SQSTM1: variants seen among roughly 807,000 people sequenced by gnomAD.
The protein encoded by SQSTM1 is sequestosome 1.
Under a neutral mutation model 45.1 loss-of-function variants are expected in SQSTM1, and 36 were observed. The ratio of observed to expected loss-of-function variants is 0.80; its 90% confidence interval spans 0.61 to 1.05. The LOEUF is 1.05. SQSTM1 is among the 50% of genes least tolerant of loss of function. SQSTM1 has a pLI of 0.00. For missense variants in SQSTM1, 617 were observed against 607.1 expected (o/e 1.02, Z -0.17); for synonymous variants, 290 against 244.3 (o/e 1.19, Z -1.74).
upstream of SQSTM1, among the ~76,000 whole-genome samples, chr5:179,817,903 G>A (rs938345914): frequency 6.6e-6 from 1 of 151,728 alleles, no homozygotes; most frequent in Admixed American, 6.6e-5. Flanking sequence ...CAGCTACTTG[G>A]GAGGCTGAGG....
At position 179,837,386 on chromosome 5, in the gene SQSTM1, C is replaced by T. The variant is rs774391024; in HGVS notation, c.*793C>T. 3.8e-6 allele frequency: 6 copies of T among 1,586,428 alleles called. No individual in the cohort carries two copies. Among genetic ancestry groups the T allele is most frequent in the Middle Eastern group, 1.7e-4 (1 of 5,926 alleles). ...TATCTCGATTAATAACCTGCCAGTC[C>T]CAGATCACACATCATCATCGAAGTC... is the stretch of plus-strand genomic sequence containing the variant. On this transcript the variant is annotated 3_prime_UTR_variant, in exon 8 of 8. Coordinates refer to ENST00000389805, the MANE Select transcript of SQSTM1 (RefSeq NM_003900.5).
Position 179,836,704 on chromosome 5 carries a change from T to G in SQSTM1, c.*111T>G. The G allele has an allele frequency of 6.4e-7, 1 of 1,553,452 alleles. No homozygotes were observed. Among genetic ancestry groups the G allele is most frequent in the Non-Finnish European group, 8.9e-7 (1 of 1,127,330 alleles). On this transcript the variant is annotated 3_prime_UTR_variant, in exon 8 of 8. Coordinates refer to ENST00000389805, the MANE Select transcript of SQSTM1 (RefSeq NM_003900.5). ...CCAGTTTCTCTGCCTTCTTCCAGGATCAGGGGTTAGGGTGCAAGAAGCCAT... is the reference window on the plus strand; with the variant it reads ...CCAGTTTCTCTGCCTTCTTCCAGGAGCAGGGGTTAGGGTGCAAGAAGCCAT...
intron 6 of SQSTM1, 144 bp from the exon 7 acceptor site, chr5:179,833,443 T>A: frequency 1.0e-6 from 1 of 997,472 alleles, no homozygotes; most frequent in African/African-American, 1.6e-5. Flanking sequence ...TCTTTGTGAG[T>A]GGCCACTGTT....
chr5:179,810,712 A>G (rs945172656), intron 1 of SQSTM1, among the ~76,000 whole-genome samples: 1 of 152,184 alleles, frequency 6.6e-6, no homozygotes, highest in African/African-American at 2.4e-5. Context: ...CAATGGTTGA[A>G]CTAGTTTACA....
chr5:179,818,312 G>C (rs1333026929), upstream of SQSTM1, among the ~76,000 whole-genome samples: 1 of 152,152 alleles, frequency 6.6e-6, no homozygotes, highest in Non-Finnish European at 1.5e-5. Flanking sequence ...CCTCTGTAGA[G>C]GAACTCATCC....
Position 179,836,665 on chromosome 5 carries a change from G to C in SQSTM1, c.*72G>C, listed in dbSNP as rs1758576230. Reference sequence around the variant, plus strand: ...TGTGTTAAGCTTGCGTAGAATTGCAGGTCTCTGTACGGGCCAGTTTCTCTG... The same window carrying C: ...TGTGTTAAGCTTGCGTAGAATTGCACGTCTCTGTACGGGCCAGTTTCTCTG... On this transcript the variant is annotated 3_prime_UTR_variant, in exon 8 of 8. Transcript: ENST00000389805. 6.8e-6 allele frequency: 11 copies of C among 1,609,252 alleles called. No individual in the cohort carries two copies. The highest frequency in any genetic ancestry group is 9.4e-6 in the Non-Finnish European group (11 of 1,175,964).
upstream of SQSTM1, among the ~76,000 whole-genome samples, chr5:179,816,082 G>A (rs1757568723): frequency 6.6e-6 from 1 of 152,150 alleles, no homozygotes; most frequent in Non-Finnish European, 1.5e-5. Context: ...ACCCGTCCTG[G>A]GGTGCGGGCC....
rs1166539773 is a variant in SQSTM1, at chr5:179,821,039, G to A, written c.103G>A (p.Ala35Thr). The A allele has an allele frequency of 6.5e-7, 1 of 1,550,160 alleles. No homozygotes were observed. The highest frequency in any genetic ancestry group is 1.2e-5 in the South Asian group (1 of 85,252). ...FCCSPEPEAE[A>T]EAAAGPGPCE... ...CTGCAGCCCCGAGCCTGAGGCGGAA[G>A]CCGAGGCTGCGGCGGGTCCGGGACC... The change falls in exon 1 of 8, where the codon GCC becomes ACC. Residue 35 changes from alanine (A) to threonine (T), a missense_variant. Physicochemically the swap from Ala to Thr is moderately conservative, Grantham distance 58. Transcript: ENST00000389805.
chr5:179,833,553 G>A, intron 6 of SQSTM1, 34 bp from the exon 7 acceptor site: 2 of 1,612,712 alleles, frequency 1.2e-6, no homozygotes, highest in Non-Finnish European at 1.7e-6. Flanking sequence ...TGTTGCGCGT[G>A]TCTCCTGTGT....
At chr5:179,814,837 C>T (rs1757533475), upstream of SQSTM1, among the ~76,000 whole-genome samples, 2 of 152,058 alleles carry the variant, frequency 1.3e-5, no homozygotes, top group South Asian at 4.1e-4. Flanking sequence ...GGGAGGATCG[C>T]TTGAGCCCAA....
chr5:179,836,184 G>A, intron 7 of SQSTM1: 2 of 590,994 alleles, frequency 3.4e-6, no homozygotes, highest in South Asian at 2.0e-5. Context: ...CTATTTCAGT[G>A]TCCATTGATG....
chr5:179,807,069 C>T (rs1331911982), intron 1 of SQSTM1: 2 of 151,370 alleles, frequency 1.3e-5, no homozygotes, highest in South Asian at 2.1e-4. Flanking sequence ...GGCCGGCGGC[C>T]GGGATCCCGA....
At chr5:179,821,414 G>GA in intron 1 of SQSTM1, 1 of 618,922 alleles carries the variant, frequency 1.6e-6, no homozygotes, top group Non-Finnish European at 3.0e-6. Flanking sequence ...CGAGCCTGGG[G>GA]GCGTCAGACG....
upstream of SQSTM1, chr5:179,820,670 C>T (rs2113478359): frequency 2.4e-6 from 1 of 410,500 alleles, no homozygotes; most frequent in East Asian, 4.0e-5. Context: ...GGCCGGTTTC[C>T]TGGGGTCCTT....
At chr5:179,830,760 C>G (rs764308607) in intron 5 of SQSTM1, among the ~76,000 whole-genome samples, 7 of 151,974 alleles carry the variant, frequency 4.6e-5, no homozygotes, top group African/African-American at 1.7e-4. Context: ...GTTTCACCAT[C>G]TTGGCCAGGC....
At chr5:179,820,764 A>G, upstream of SQSTM1, 2 of 536,608 alleles carry the variant, frequency 3.7e-6, no homozygotes, top group Non-Finnish European at 6.3e-6. Context: ...AGGGGAGAGT[A>G]GTGAAGGGGC....
upstream of SQSTM1, chr5:179,820,753 A>G (rs1757740952): frequency 2.0e-6 from 1 of 505,648 alleles, no homozygotes; most frequent in Non-Finnish European, 3.4e-6. Context: ...GGTAGCGGGG[A>G]AGGGGAGAGT....
intron 5 of SQSTM1, among the ~76,000 whole-genome samples, chr5:179,830,420 C>G (rs750828418): frequency 6.6e-6 from 1 of 152,004 alleles, no homozygotes; most frequent in Admixed American, 6.6e-5. Context: ...TTTTTGAAAC[C>G]GGGTCTCACT....
chr5:179,836,195 G>A (rs1265003066), intron 7 of SQSTM1: 4 of 601,678 alleles, frequency 6.6e-6, no homozygotes, highest in Non-Finnish European at 1.2e-5. Flanking sequence ...TCCATTGATG[G>A]TTCTGCTTAC....
Sources: allele counts gnomAD v4.1 joint callset (sites outside exome capture counted in the v4.1 genomes callset), GRCh38; gene constraint gnomAD v4.1.1; transcripts MANE v1.5; gene names NCBI Gene and HGNC (gene_info 2026-07-23, HGNC 2026-07-21).